Variants in CSMD1 observed in about 807,000 individuals in gnomAD.
The protein encoded by CSMD1 is CUB and Sushi multiple domains 1.
A neutral mutation model predicts 417.5 loss-of-function variants in CSMD1; 213 were observed. The ratio of observed to expected loss-of-function variants is 0.51; its 90% CI spans 0.46 to 0.57. CSMD1 has a LOEUF of 0.57. CSMD1 is among the 20% of genes least tolerant of loss of function. The probability of loss-of-function intolerance (pLI) is 0.00; values close to 1 mark genes in which losing one functional copy is unlikely to be tolerated. For missense variants in CSMD1, 6,923 were observed against 4,529.7 expected (o/e 1.53, Z -15.17); for synonymous variants, 2,862 against 1,736.8 (o/e 1.65, Z -16.11).
rs117835428 is a variant in CSMD1 at position 3,612,869 on chromosome 8, T to C, written c.1097+3841A>G. 2.4e-3 allele frequency among the ~76,000 whole-genome samples: 369 copies of C among 151,978 alleles called. 4 individuals carry two copies. Among genetic ancestry groups the C allele is most frequent in the Admixed American group, 0.019 (285 of 15,244 alleles). ...GATCTCAGCTTCAACTTTAAGAGAC[T>C]AGAAAAAGAAGAACAAATGGAGCCC... On this transcript the variant is annotated intron_variant, in intron 8 of 69. Transcript: ENST00000635120.
chr8:3,442,193 T>A (rs961140832), intron 12 of CSMD1, among the ~76,000 whole-genome samples: 7 of 150,602 alleles, frequency 4.6e-5, no homozygotes, highest in Admixed American at 6.6e-5. Flanking sequence ...TAAAAAATTT[T>A]AAAAAATGAA....
chr8:3,414,764 C>T (rs1813022235), intron 12 of CSMD1, among the ~76,000 whole-genome samples: 1 of 152,140 alleles, frequency 6.6e-6, no homozygotes, highest in Non-Finnish European at 1.5e-5. Context: ...CTTTTAGTGC[C>T]TGAGGGTGTC....
chr8:4,027,845 T>C (rs1257580244), intron 4 of CSMD1, among the ~76,000 whole-genome samples: 1 of 152,148 alleles, frequency 6.6e-6, no homozygotes, highest in Non-Finnish European at 1.5e-5. Flanking sequence ...ATCTACATGA[T>C]CTATTAAAAA....
chr8:3,548,728 T>C (rs576641783), intron 10 of CSMD1, among the ~76,000 whole-genome samples: 1 of 149,454 alleles, frequency 6.7e-6, no homozygotes, highest in African/African-American at 2.5e-5. Context: ...ACTCATTGAT[T>C]GATAGGAATT....
At chr8:3,560,926 C>A (rs759118189) in intron 10 of CSMD1, among the ~76,000 whole-genome samples, 1 of 152,148 alleles carries the variant, frequency 6.6e-6, no homozygotes, top group East Asian at 1.9e-4. Flanking sequence ...ACAGACGCCT[C>A]ACGTTGTATT....
At chr8:3,472,749 C>A (rs181496284) in intron 11 of CSMD1, among the ~76,000 whole-genome samples, 115 of 152,184 alleles carry the variant, frequency 7.6e-4, no homozygotes, top group African/African-American at 2.6e-3. Flanking sequence ...CTGTTCTCAG[C>A]AGATAACTTT....
chr8:4,121,228 C>T (rs998428892), intron 3 of CSMD1, among the ~76,000 whole-genome samples: 2 of 152,082 alleles, frequency 1.3e-5, no homozygotes, highest in Admixed American at 1.3e-4. Context: ...AATTCTCCTG[C>T]CTCAGCCTCC....
At chr8:3,141,859 G>A (rs187513052) in intron 41 of CSMD1, among the ~76,000 whole-genome samples, 1,711 of 149,974 alleles carry the variant, frequency 0.011, 17 homozygotes, top group Middle Eastern at 0.031. Context: ...GTGCAGTGGC[G>A]CGATCTCTCC....
intron 10 of CSMD1, among the ~76,000 whole-genome samples, chr8:3,526,441 C>G (rs188114230): frequency 1.2e-4 from 19 of 152,092 alleles, no homozygotes; most frequent in Admixed American, 1.2e-3. Context: ...GCAGTTTAGA[C>G]ACAGCAGATA....
intron 7 of CSMD1, among the ~76,000 whole-genome samples, chr8:3,706,084 C>T (rs1801150698): frequency 6.6e-6 from 1 of 152,250 alleles, no homozygotes. Flanking sequence ...GGAACGTGGC[C>T]TGGCCTGTGC....
At chr8:3,271,598 C>T (rs550641643) in intron 26 of CSMD1, among the ~76,000 whole-genome samples, 1 of 152,122 alleles carries the variant, frequency 6.6e-6, no homozygotes, top group South Asian at 2.1e-4. Flanking sequence ...CTGTTGTTTC[C>T]TCACTTTTTA....
chr8:3,499,725 T>G (rs942501507), intron 10 of CSMD1, among the ~76,000 whole-genome samples: 1 of 151,940 alleles, frequency 6.6e-6, no homozygotes, highest in African/African-American at 2.4e-5. Flanking sequence ...TGGGTTCAGG[T>G]TTGTGTCACT....
intron 21 of CSMD1, among the ~76,000 whole-genome samples, chr8:3,354,929 A>ATCTATCTATAGATATGTCTATC (rs1554523470): frequency 3.3e-5 from 5 of 149,838 alleles, no homozygotes; most frequent in African/African-American, 7.4e-5. Flanking sequence ...CTATCTATAG[A>ATCTATCTATAGATATGTCTATC]TATAGATATA....
chr8:3,399,281 T>G, intron 16 of CSMD1, 110 bp downstream of exon 16: 1 of 980,460 alleles, frequency 1.0e-6, no homozygotes, highest in Non-Finnish European at 1.5e-6. Context: ...TGTGCTCCTA[T>G]GCGGGAACCG....
intron 3 of CSMD1, among the ~76,000 whole-genome samples, chr8:4,309,879 G>C (rs181889005): frequency 1.3e-5 from 2 of 152,240 alleles, no homozygotes; most frequent in African/African-American, 2.4e-5. Context: ...TCACTTCAGA[G>C]GGTCTTACAT....
At chr8:4,168,018 A>C (rs766185033) in intron 3 of CSMD1, among the ~76,000 whole-genome samples, 1 of 151,986 alleles carries the variant, frequency 6.6e-6, no homozygotes, top group Non-Finnish European at 1.5e-5. Flanking sequence ...AATCCCAGCT[A>C]ATCAGGAAGC....
chr8:3,695,087 C>T (rs3221771), intron 7 of CSMD1, among the ~76,000 whole-genome samples: 9 of 145,594 alleles, frequency 6.2e-5, no homozygotes, highest in Middle Eastern at 3.6e-3. Flanking sequence ...GGAGGCCCTG[C>T]GTGTGTGTGT....
chr8:4,807,168 G>A (rs1585131591), intron 1 of CSMD1, among the ~76,000 whole-genome samples: 1 of 152,142 alleles, frequency 6.6e-6, no homozygotes, highest in Non-Finnish European at 1.5e-5. Context: ...TGATTAAAGT[G>A]GATGACATTA....
intron 3 of CSMD1, among the ~76,000 whole-genome samples, chr8:4,248,465 C>T (rs1189822335): frequency 6.6e-6 from 1 of 152,124 alleles, no homozygotes; most frequent in East Asian, 1.9e-4. Flanking sequence ...GTAAAAAGGT[C>T]AGTCGTTACT....
Sources: gnomAD v4.1 joint callset for allele counts (sites outside exome capture counted in the v4.1 genomes callset) on GRCh38, gnomAD v4.1.1 for gene constraint, MANE v1.5 for transcripts, NCBI Gene and HGNC (gene_info 2026-07-23, HGNC 2026-07-21) for gene names.